The following SP3 variants were observed in gnomAD, a reference collection of about 807,000 sequenced individuals.
The protein encoded by SP3 is Sp3 transcription factor.
In SP3, 10 loss-of-function variants were observed where a neutral mutation model predicts 70.3. The observed-to-expected ratio is 0.14, with a 90% CI of 0.09 to 0.24. The LOEUF (loss-of-function observed/expected upper bound fraction) is 0.24, where lower values mean the gene tolerates loss of function less well. Ranked by LOEUF, SP3 falls within the 10% of genes least tolerant of loss-of-function variation. SP3 has a pLI of 1.00. For synonymous variants in SP3, 402 were observed against 333.5 expected, an observed-to-expected ratio of 1.21 and a Z score of -2.24; for missense variants, 825 against 914.6, an observed-to-expected ratio of 0.90 and a Z score of 1.26.
chr2:173,956,063 T>G lies in SP3; in HGVS notation c.449A>C (p.Gln150Pro), dbSNP rs746120704. Residue 150 changes from glutamine (Q) to proline (P), a missense_variant, in exon 4 of 7, where the codon CAA becomes CCA. By Grantham distance (76) the Gln-to-Pro change is moderately conservative. Transcript: ENST00000310015. ...TGATCCTGGTGCAACGGAAAATATT[T>G]GTTGATTCTGCAAATTCTGAAGGGG... ...VLPLQNLQNQQIFSVAPGSDS... is the reference protein window; with the variant it reads ...VLPLQNLQNQPIFSVAPGSDS... The G allele has an allele frequency of 3.1e-6, 5 of 1,614,176 alleles. No individual in the cohort carries two copies. The highest frequency in any genetic ancestry group is 8.5e-7 in the Non-Finnish European group (1 of 1,180,020).
intron 4 of SP3, among the ~76,000 whole-genome samples, chr2:173,924,658 C>T (rs1689859062): frequency 2.0e-5 from 3 of 152,136 alleles, no homozygotes; most frequent in Non-Finnish European, 4.4e-5. Context: ...TGAAGTCACA[C>T]AGTTGAAAAT....
chr2:173,914,128 G>C (rs994269558), intron 5 of SP3: 2 of 151,514 alleles, frequency 1.3e-5, no homozygotes, highest in African/African-American at 4.9e-5. Context: ...CATTTGAATA[G>C]TATTAAACAC....
intron 4 of SP3, among the ~76,000 whole-genome samples, chr2:173,938,636 G>T (rs1182090631): frequency 6.6e-6 from 1 of 151,170 alleles, no homozygotes; most frequent in African/African-American, 2.4e-5. Flanking sequence ...CCCAAAACAA[G>T]AAATACATGT....
Position 173,955,019 on chromosome 2 carries a change from C to G in SP3, c.1493G>C (p.Gly498Ala). Residue 498 changes from glycine to alanine, a missense_variant, in exon 4 of 7, where the codon GGT becomes GCT. Physicochemically the swap from Gly to Ala is moderately conservative, Grantham distance 60 (BLOSUM62 0). Around this residue, in one of 4 missense-constraint regions of SP3, gnomAD observed 678 missense variants for 651.6 expected, o/e 1.04. Transcript: ENST00000310015. Reference protein sequence around the residue: ...TLTPVQTLTLGQVAAGGAFTS... With the variant: ...TLTPVQTLTLAQVAAGGAFTS... ...GAAGGCTCCACCTGCCGCAACTTGACCAAGTGTGAGGGTTTGAACAGGCGT... is the reference window on the plus strand; with the variant it reads ...GAAGGCTCCACCTGCCGCAACTTGAGCAAGTGTGAGGGTTTGAACAGGCGT... The G allele has an allele frequency of 6.2e-7, 1 of 1,614,166 alleles. No homozygotes were observed. The highest frequency in any genetic ancestry group is 2.2e-5 in the East Asian group (1 of 44,886).
chr2:173,961,040 T>A (rs1031423865), intron 3 of SP3, among the ~76,000 whole-genome samples: 2 of 152,102 alleles, frequency 1.3e-5, no homozygotes, highest in African/African-American at 4.8e-5. Flanking sequence ...TGAAGTAAAT[T>A]AATAATCCAC....
At position 173,908,573 on chromosome 2, in the gene SP3, A is replaced by T. The variant is rs1195971386; in HGVS notation, c.*1368T>A. On this transcript the variant is annotated 3_prime_UTR_variant, in exon 7 of 7. Transcript: ENST00000310015. ...GTGTTTTATTAACTACCACACTGTT[A>T]TAATACACTTTAAACGTACAATAAG... 6.6e-6 allele frequency: 1 copy of T among 152,514 alleles called. No homozygotes were observed. Among genetic ancestry groups the T allele is most frequent in the Non-Finnish European group, 1.5e-5 (1 of 67,940 alleles). The allele number at this position is 152,514 out of a possible 1,614,324, so 9.4% of individuals were successfully genotyped here.
Position 173,909,284 on chromosome 2 carries a change from G to T in SP3, c.*657C>A, listed in dbSNP as rs1287663914. ...AGAATATTAACAAGACATTATTTTG[G>T]CAAATTAAATCTTAAACATGGCTTT... On this transcript the variant is annotated 3_prime_UTR_variant, in exon 7 of 7. Coordinates refer to ENST00000310015, the MANE Select transcript of SP3 (RefSeq NM_003111.5). The T allele has an allele frequency of 2.6e-5, 4 of 152,510 alleles. No homozygotes were observed. Among genetic ancestry groups the T allele is most frequent in the African/African-American group, 9.6e-5 (4 of 41,530 alleles). The allele number at this position is 152,510 out of a possible 1,614,324, so 9.4% of individuals were successfully genotyped here. A position where few individuals can be genotyped will look rare whatever the true frequency, so the allele number is the denominator to read the frequency against.
chr2:173,927,914 T>C (rs1052462380), intron 4 of SP3, among the ~76,000 whole-genome samples: 1 of 152,202 alleles, frequency 6.6e-6, no homozygotes, highest in Non-Finnish European at 1.5e-5. Context: ...TGTCTAATTA[T>C]TCCAATTCAT....
chr2:173,919,616 T>C (rs527667084), intron 4 of SP3, among the ~76,000 whole-genome samples: 5 of 152,294 alleles, frequency 3.3e-5, no homozygotes, highest in East Asian at 3.9e-4. Flanking sequence ...GTATTCAACA[T>C]TGTTAAATAT....
chr2:173,933,480 C>A (rs1294640630), intron 4 of SP3, among the ~76,000 whole-genome samples: 1 of 151,636 alleles, frequency 6.6e-6, no homozygotes, highest in East Asian at 1.9e-4. Context: ...TCAGCTGATG[C>A]TGCTTTCCTG....
At chr2:173,926,229 ACT>A (rs750514283) in intron 4 of SP3, among the ~76,000 whole-genome samples, 23 of 152,160 alleles carry the variant, frequency 1.5e-4, no homozygotes, top group Admixed American at 2.6e-4. Context: ...GACAAAATAC[ACT>A]GTTTTTCAAG....
Position 173,965,182 on chromosome 2 carries a change from G to A in SP3, c.-11C>T. 1 of 1,547,586 alleles carries A rather than the reference G, an allele frequency of 6.5e-7. No individual in the cohort carries two copies. Among genetic ancestry groups the A allele is most frequent in the Non-Finnish European group, 8.7e-7 (1 of 1,145,692 alleles). ...TTACGTACCGGTCATAGTGTGTTTAGGGCACCTCAGGCGGGGCTCCCCGCC... is the reference window on the plus strand; with the variant it reads ...TTACGTACCGGTCATAGTGTGTTTAAGGCACCTCAGGCGGGGCTCCCCGCC... On this transcript the variant is annotated 5_prime_UTR_variant, in exon 1 of 7. Transcript: ENST00000310015.
rs1019856489 is a variant in SP3 at position 173,907,654 on chromosome 2, ATCAT to A, written c.*2283_*2286del. On this transcript the variant is annotated 3_prime_UTR_variant, in exon 7 of 7. Coordinates refer to ENST00000310015, the MANE Select transcript of SP3 (RefSeq NM_003111.5). ...CAGTATTACTTAAAACATCTCTACT[ATCAT>A]TCAAATGGTTTAATCTGACTTAATG... 1 of 152,126 alleles carries A rather than the reference ATCAT, an allele frequency of 6.6e-6. No individual in the cohort carries two copies. Among genetic ancestry groups the A allele is most frequent in the Non-Finnish European group, 1.5e-5 (1 of 67,980 alleles). 9.4% of individuals were successfully genotyped at this position (152,126 alleles called of 1,614,324 possible). A position where few individuals can be genotyped will look rare whatever the true frequency, so the allele number is the denominator to read the frequency against.
Position 173,964,534 on chromosome 2 carries a change from T to C in SP3, c.27A>G (p.Lys9=). ...CGTCCAAGGCAGCCATTTCCTCTTG[T>C]TTCACGGGCTTTTCGGGAGCTGCAG... is the stretch of plus-strand genomic sequence containing the variant. The part of the protein sequence containing the change: MTAPEKPV[K]QEEMAALDVD... Residue 9 remains lysine (K), a synonymous_variant, in exon 2 of 7, where the codon AAA becomes AAG. Transcript: ENST00000310015. The C allele has an allele frequency of 1.5e-6, 1 of 677,856 alleles. No homozygotes were observed. The highest frequency in any genetic ancestry group is 2.8e-6 in the Non-Finnish European group (1 of 362,752). The allele number at this position is 677,856 out of a possible 1,614,324, so 42.0% of individuals were successfully genotyped here. A position where few individuals can be genotyped will look rare whatever the true frequency, so the allele number is the denominator to read the frequency against.
intron 4 of SP3, among the ~76,000 whole-genome samples, chr2:173,927,270 A>G (rs1231102687): frequency 6.6e-6 from 1 of 150,672 alleles, no homozygotes; most frequent in African/African-American, 2.5e-5. Context: ...CATATCAACT[A>G]TATATCTTTT....
At chr2:173,917,646 C>T (rs1015595849) in intron 5 of SP3, among the ~76,000 whole-genome samples, 7 of 152,184 alleles carry the variant, frequency 4.6e-5, no homozygotes, top group African/African-American at 1.7e-4. Context: ...TTAAACAGTG[C>T]ATTTCTAAGA....
At position 173,920,082 on chromosome 2, in the gene SP3, A is replaced by C. The variant is rs1025739364; in HGVS notation, c.1640-1297T>G. 2.6e-5 allele frequency among the ~76,000 whole-genome samples: 4 copies of C among 150,966 alleles called. No homozygotes were observed. The South Asian group carries it at 6.3e-4, about 24-fold the overall frequency. ...TCTCTCAAAGCATTTCGAACAAAAG[A>C]AGCCCCCCCGCACCCCCTATGTATT... is the stretch of plus-strand genomic sequence containing the variant. On this transcript the variant is annotated intron_variant, in intron 4 of 6. Coordinates refer to ENST00000310015, the MANE Select transcript of SP3 (RefSeq NM_003111.5).
intron 4 of SP3, among the ~76,000 whole-genome samples, chr2:173,929,161 A>C (rs1241219161): frequency 1.3e-5 from 2 of 152,174 alleles, no homozygotes. Flanking sequence ...GTGGCAAATC[A>C]CATTCTGTTC....
rs146294228 is a variant in SP3, at chr2:173,926,885, G to A, written c.1640-8100C>T. Among the ~76,000 whole-genome samples, 193 of 152,266 alleles carry A rather than the reference G, an allele frequency of 1.3e-3. 1 individual carries two copies. Among genetic ancestry groups the A allele is most frequent in the African/African-American group, 4.3e-3 (178 of 41,540 alleles). On this transcript the variant is annotated intron_variant, in intron 4 of 6. Transcript: ENST00000310015. ...TATTGTATTAGTCCGTTCTCCCACTGCTATGAAGAGATACCTGAGACTAAG... is the reference window on the plus strand; with the variant it reads ...TATTGTATTAGTCCGTTCTCCCACTACTATGAAGAGATACCTGAGACTAAG...
Sources: gnomAD v4.1 joint callset for allele counts (sites outside exome capture counted in the v4.1 genomes callset) on GRCh38, gnomAD v4.1.1 for gene constraint, gnomAD v4.1.1 regional missense constraint, MANE v1.5 for transcripts, NCBI Gene and HGNC (gene_info 2026-07-23, HGNC 2026-07-21) for gene names.